PTPRM: variants seen among roughly 807,000 people sequenced by gnomAD.
PTPRM encodes receptor-type tyrosine-protein phosphatase mu.
In PTPRM, 47 loss-of-function variants were observed where a neutral mutation model predicts 186.7. The observed-to-expected ratio is 0.25, with a 90% CI of 0.20 to 0.32. PTPRM has a LOEUF of 0.32. Ranked by LOEUF, PTPRM falls within the 10% of genes least tolerant of loss-of-function variation. PTPRM has a pLI of 1.00. For synonymous variants in PTPRM, 668 were observed against 674.9 expected (o/e 0.99, Z 0.16); for missense variants, 1,494 against 1,865.0 (o/e 0.80, Z 3.66).
chr18:7,800,501 G>A (rs1056456856), intron 2 of PTPRM, among the ~76,000 whole-genome samples: 1 of 152,158 alleles, frequency 6.6e-6, no homozygotes, highest in Non-Finnish European at 1.5e-5. Context: ...GCCATCACAT[G>A]CAATACAAAA....
chr18:7,822,208 G>A (rs2045237279), intron 2 of PTPRM, among the ~76,000 whole-genome samples: 1 of 152,164 alleles, frequency 6.6e-6, no homozygotes, highest in East Asian at 1.9e-4. Context: ...TTTCACAGGA[G>A]GTGTGTGTAT....
In PTPRM at chr18:8,394,410, A is replaced by G. The variant is rs988065650; in HGVS notation, c.4209-66A>G. The G allele has an allele frequency of 2.0e-6, 3 of 1,503,094 alleles. No individual in the cohort carries two copies. The African/African-American group carries it at 4.2e-5, about 21-fold the overall frequency. 93.1% of individuals were successfully genotyped at this position (1,503,094 alleles called of 1,614,324 possible). A position where few individuals can be genotyped will look rare whatever the true frequency, so the allele number is the denominator to read the frequency against. On this transcript the variant is annotated intron_variant, in intron 31 of 32. Transcript: ENST00000580170. ...CCCAGGGTTTAGACAGCTTGTTTCC[A>G]CAGGTGTTTGCAAGATGCAGTGTAA...
chr18:7,761,453 G>A (rs148684810), intron 1 of PTPRM, among the ~76,000 whole-genome samples: 1 of 152,118 alleles, frequency 6.6e-6, no homozygotes, highest in Non-Finnish European at 1.5e-5. Flanking sequence ...CATAAAGTCC[G>A]TGTGCTTTTT....
chr18:7,651,433 C>T (rs938952998), intron 1 of PTPRM, among the ~76,000 whole-genome samples: 1 of 152,032 alleles, frequency 6.6e-6, no homozygotes, highest in Non-Finnish European at 1.5e-5. Flanking sequence ...AAAAAGAGCC[C>T]GCATCGCCAA....
At chr18:8,343,878 C>G (rs1048961621) in intron 23 of PTPRM, among the ~76,000 whole-genome samples, 1 of 150,738 alleles carries the variant, frequency 6.6e-6, no homozygotes, top group Non-Finnish European at 1.5e-5. Context: ...AAAATTGGCT[C>G]TAAAAACAGT....
chr18:8,151,710 A>C (rs368447967), intron 14 of PTPRM, among the ~76,000 whole-genome samples: 1 of 151,230 alleles, frequency 6.6e-6, no homozygotes, highest in East Asian at 1.9e-4. Context: ...AAAAAAAAAA[A>C]AACTCCTGGA....
intron 5 of PTPRM, among the ~76,000 whole-genome samples, chr18:7,940,880 A>G (rs554341672): frequency 3.2e-4 from 48 of 152,228 alleles, no homozygotes; most frequent in African/African-American, 1.1e-3. Context: ...TTGGATGCAG[A>G]AATGTCAAAA....
chr18:8,003,155 C>T (rs1031275599), intron 7 of PTPRM, among the ~76,000 whole-genome samples: 5 of 152,104 alleles, frequency 3.3e-5, no homozygotes, highest in East Asian at 1.9e-4. Flanking sequence ...ATGTCAAGGG[C>T]GGGGCCAGGT....
chr18:8,318,614 A>T (rs975304851), intron 21 of PTPRM, among the ~76,000 whole-genome samples: 3 of 152,038 alleles, frequency 2.0e-5, no homozygotes, highest in Non-Finnish European at 4.4e-5. Context: ...CTTTGGCCTC[A>T]ATTTTTATCT....
intron 23 of PTPRM, among the ~76,000 whole-genome samples, chr18:8,351,336 CA>C (rs1301883677): frequency 6.6e-6 from 1 of 152,194 alleles, no homozygotes; most frequent in Non-Finnish European, 1.5e-5. Flanking sequence ...ATGCCCATTG[CA>C]ACATCTCTGA....
chr18:8,372,095 C>T, intron 24 of PTPRM, among the ~76,000 whole-genome samples: 1 of 53,320 alleles, frequency 1.9e-5, no homozygotes, highest in South Asian at 6.4e-4. Flanking sequence ...GACGGAGTCT[C>T]GCTCTGTCGC....
chr18:7,960,749 T>C (rs2053624036), intron 7 of PTPRM, among the ~76,000 whole-genome samples: 2 of 151,882 alleles, frequency 1.3e-5, no homozygotes, highest in Admixed American at 6.6e-5. Context: ...AGTAAAACCC[T>C]GTCTCTAATA....
At chr18:7,670,203 A>G (rs2039188821) in intron 1 of PTPRM, among the ~76,000 whole-genome samples, 3 of 152,286 alleles carry the variant, frequency 2.0e-5, no homozygotes, top group South Asian at 4.1e-4. Context: ...AGCTTTCAAA[A>G]TTTGCAGTGC....
At chr18:7,798,263 G>A (rs977574664) in intron 2 of PTPRM, among the ~76,000 whole-genome samples, 8 of 152,102 alleles carry the variant, frequency 5.3e-5, no homozygotes, top group Admixed American at 6.6e-5. Flanking sequence ...GGGCATGGTG[G>A]CTCACTCCTG....
intron 14 of PTPRM, among the ~76,000 whole-genome samples, chr18:8,238,695 A>G (rs2094379966): frequency 8.5e-6 from 1 of 117,066 alleles, no homozygotes; most frequent in Non-Finnish European, 1.6e-5. Flanking sequence ...GCGAAGCTAC[A>G]CATGGTGTAT....
intron 4 of PTPRM, among the ~76,000 whole-genome samples, chr18:7,911,846 ATTTTTTT>A (rs57590269): frequency 1.7e-4 from 14 of 80,682 alleles, no homozygotes; most frequent in South Asian, 5.4e-4. Flanking sequence ...TATGGTTTCA[ATTTTTTT>A]TTTTTTTTTT....
At position 8,323,742 on chromosome 18, in the gene PTPRM, G is replaced by GC. The variant is rs201197750; in HGVS notation, c.2956+4533dup. ...CTAGAGAGAGGATCTCCAAACAGAA[G>GC]CCCCCATGCCCACGTGAGAACAGGG... On this transcript the variant is annotated intron_variant, in intron 22 of 32. Coordinates refer to ENST00000580170, the MANE Select transcript of PTPRM (RefSeq NM_001105244.2). 5.4e-3 allele frequency among the ~76,000 whole-genome samples: 824 copies of GC among 152,178 alleles called. 6 individuals carry two copies. Among genetic ancestry groups the GC allele is most frequent in the African/African-American group, 0.019 (791 of 41,514 alleles).
chr18:8,101,143 A>G (rs537201608), intron 11 of PTPRM, among the ~76,000 whole-genome samples: 1 of 152,320 alleles, frequency 6.6e-6, no homozygotes, highest in African/African-American at 2.4e-5. Context: ...GTAAAAGTGC[A>G]ATGTTGTTAA....
intron 22 of PTPRM, among the ~76,000 whole-genome samples, chr18:8,335,162 G>A (rs2095431754): frequency 6.6e-6 from 1 of 152,190 alleles, no homozygotes; most frequent in South Asian, 2.1e-4. Flanking sequence ...TTTCCTACAA[G>A]AGGGCCCCAT....
Sources: gnomAD v4.1 joint callset for allele counts (sites outside exome capture counted in the v4.1 genomes callset) on GRCh38, gnomAD v4.1.1 for gene constraint, MANE v1.5 for transcripts, NCBI Gene and HGNC (gene_info 2026-07-23, HGNC 2026-07-21) for gene names.